Variants in CDK14 observed in about 807,000 individuals in gnomAD.
CDK14 encodes the protein cyclin dependent kinase 14.
In CDK14, 34 loss-of-function variants were observed where a neutral mutation model predicts 60.7. That is an observed-to-expected ratio of 0.56 (90% CI 0.43 to 0.75). CDK14 has a LOEUF of 0.75. Among genes scored for constraint, CDK14 ranks in the 30% least tolerant of loss-of-function variants. CDK14 has a pLI of 0.00. For missense variants in CDK14, 482 were observed against 564.1 expected, an observed-to-expected ratio of 0.85 and a Z score of 1.47; for synonymous variants, 197 against 203.7, an observed-to-expected ratio of 0.97 and a Z score of 0.28.
intron 2 of CDK14, among the ~76,000 whole-genome samples, chr7:90,628,447 A>G (rs1799922614): frequency 6.6e-6 from 1 of 152,164 alleles, no homozygotes; most frequent in Non-Finnish European, 1.5e-5. Context: ...AATTTCAGCC[A>G]TTGAGGGTCC....
At chr7:90,714,940 T>C (rs1313277578) in intron 2 of CDK14, among the ~76,000 whole-genome samples, 1 of 152,074 alleles carries the variant, frequency 6.6e-6, no homozygotes, top group African/African-American at 2.4e-5. Flanking sequence ...ACAATTTTAT[T>C]TCTCCTTTAG....
intron 12 of CDK14, among the ~76,000 whole-genome samples, chr7:91,084,898 C>T (rs1036647745): frequency 3.3e-5 from 5 of 152,176 alleles, no homozygotes; most frequent in African/African-American, 1.2e-4. Flanking sequence ...AGGAATAAAA[C>T]CCAACCCTAC....
At chr7:90,920,028 T>C (rs1477739398) in intron 8 of CDK14, among the ~76,000 whole-genome samples, 1 of 152,250 alleles carries the variant, frequency 6.6e-6, no homozygotes, top group Non-Finnish European at 1.5e-5. Context: ...TGAGCAAGAT[T>C]CATTCACCAA....
intron 3 of CDK14, among the ~76,000 whole-genome samples, chr7:90,744,588 C>T (rs546485603): frequency 5.3e-5 from 8 of 151,052 alleles, no homozygotes; most frequent in African/African-American, 1.7e-4. Flanking sequence ...TAGGGGCGGC[C>T]GGGCAGAAGC....
At chr7:91,050,503 T>C (rs1797359805) in intron 11 of CDK14, among the ~76,000 whole-genome samples, 1 of 152,138 alleles carries the variant, frequency 6.6e-6, no homozygotes, top group Admixed American at 6.5e-5. Flanking sequence ...AACTTTATTC[T>C]TTACTATATA....
chr7:90,797,271 C>G (rs1265434558), intron 5 of CDK14, among the ~76,000 whole-genome samples: 2 of 151,770 alleles, frequency 1.3e-5, no homozygotes, highest in Admixed American at 1.3e-4. Flanking sequence ...GTGCCAGCCA[C>G]TCTCCTTAAC....
chr7:91,004,078 A>T (rs2115768813), intron 10 of CDK14, among the ~76,000 whole-genome samples: 1 of 152,314 alleles, frequency 6.6e-6, no homozygotes, highest in East Asian at 1.9e-4. Context: ...AAAATGAATG[A>T]TCTATGCGTT....
At chr7:90,800,039 G>T (rs1404585879) in intron 5 of CDK14, among the ~76,000 whole-genome samples, 2 of 152,150 alleles carry the variant, frequency 1.3e-5, no homozygotes. Flanking sequence ...TAGAGGAAAA[G>T]GGGACCTCTC....
At chr7:91,068,661 CCTT>C (rs1246766158) in intron 11 of CDK14, among the ~76,000 whole-genome samples, 1 of 152,114 alleles carries the variant, frequency 6.6e-6, no homozygotes, top group Non-Finnish European at 1.5e-5. Context: ...ACTCTGATCT[CCTT>C]CTCACTGCAT....
At chr7:91,106,626 T>TAA (rs1213242818) in intron 12 of CDK14, among the ~76,000 whole-genome samples, 1 of 152,206 alleles carries the variant, frequency 6.6e-6, no homozygotes, top group East Asian at 1.9e-4. Flanking sequence ...TCATTAGAAT[T>TAA]AAAGTATTCC....
At chr7:90,935,685 A>G (rs1392262270) in intron 8 of CDK14, among the ~76,000 whole-genome samples, 1 of 152,038 alleles carries the variant, frequency 6.6e-6, no homozygotes, top group Non-Finnish European at 1.5e-5. Context: ...AAGATTTTCC[A>G]TGTATTTGCT....
At chr7:91,030,178 TAAC>T (rs1298555446) in intron 10 of CDK14, among the ~76,000 whole-genome samples, 2 of 152,238 alleles carry the variant, frequency 1.3e-5, no homozygotes, top group Admixed American at 1.3e-4. Flanking sequence ...GCAAAAACTA[TAAC>T]AAAATATTGC....
chr7:91,169,228 T>C (rs761337043), intron 14 of CDK14, among the ~76,000 whole-genome samples: 1 of 152,190 alleles, frequency 6.6e-6, no homozygotes, highest in Non-Finnish European at 1.5e-5. Flanking sequence ...TGACCTAATA[T>C]ACACACTCCA....
chr7:91,188,650 T>C (rs1298277807), intron 14 of CDK14, among the ~76,000 whole-genome samples: 1 of 152,232 alleles, frequency 6.6e-6, no homozygotes, highest in Non-Finnish European at 1.5e-5. Flanking sequence ...TTTTAAATAA[T>C]TGCCAAGCCC....
chr7:90,804,031 C>G (rs1788738079), intron 5 of CDK14, among the ~76,000 whole-genome samples: 2 of 152,144 alleles, frequency 1.3e-5, no homozygotes, highest in Non-Finnish European at 2.9e-5. Context: ...CTCCCATGTT[C>G]TTTCTTTGTA....
rs577553855 is a variant in CDK14 at position 91,053,944 on chromosome 7, G to A, written c.1105+7984G>A. On this transcript the variant is annotated intron_variant, in intron 11 of 14. Coordinates refer to ENST00000380050, the MANE Select transcript of CDK14 (RefSeq NM_001287135.2). ...TCCATCCAGCCTACAGACTTGCTAC[G>A]TAAATTAAATGAGATAAACTATTTT... is the stretch of plus-strand genomic sequence containing the variant. Among the ~76,000 whole-genome samples the A allele has an allele frequency of 3.9e-5, 6 of 152,104 alleles. No homozygotes were observed. In the South Asian group the frequency reaches 6.2e-4, roughly 16 times the overall value.
At position 91,082,821 on chromosome 7, in the gene CDK14, T is replaced by C. The variant is rs376273430; in HGVS notation, c.1154+3341T>C. Among the ~76,000 whole-genome samples, 48 of 152,334 alleles carry C rather than the reference T, an allele frequency of 3.2e-4. 1 individual carries two copies. Among genetic ancestry groups the C allele is most frequent in the African/African-American group, 1.1e-3 (46 of 41,584 alleles). On this transcript the variant is annotated intron_variant, in intron 12 of 14. Transcript: ENST00000380050. ...TAACGTAACTTTCACTCTGTATTTA[T>C]GTTGGTGGTGCTCTATTGTATTTTT...
intron 11 of CDK14, among the ~76,000 whole-genome samples, chr7:91,076,226 A>G (rs1798308500): frequency 7.3e-6 from 1 of 137,122 alleles, no homozygotes; most frequent in Admixed American, 8.2e-5. Context: ...AAACTATACT[A>G]CAGTGCTACA....
At chr7:91,087,317 A>G (rs1354546666) in intron 12 of CDK14, among the ~76,000 whole-genome samples, 1 of 152,226 alleles carries the variant, frequency 6.6e-6, no homozygotes, top group African/African-American at 2.4e-5. Flanking sequence ...ACCTAAGAAT[A>G]TACCATCAAT....
Sources: gnomAD v4.1 joint callset for allele counts (sites outside exome capture counted in the v4.1 genomes callset) on GRCh38, gnomAD v4.1.1 for gene constraint, MANE v1.5 for transcripts, NCBI Gene and HGNC (gene_info 2026-07-23, HGNC 2026-07-21) for gene names.